Variants in SLC3A1 observed in about 807,000 individuals in gnomAD.
The protein encoded by SLC3A1 is solute carrier family 3 member 1, also known as amino acid transporter heavy chain SLC3A1.
In SLC3A1, 78 loss-of-function variants were observed where a neutral mutation model predicts 60.3. The observed-to-expected ratio is 1.29, with a 90% CI of 1.08 to 1.56. SLC3A1 has a LOEUF of 1.56. SLC3A1 is among the 40% of genes most tolerant of loss of function. The probability of loss-of-function intolerance (pLI) is 0.00; values close to 1 mark genes in which losing one functional copy is unlikely to be tolerated. For synonymous variants in SLC3A1, 392 were observed against 307.9 expected (o/e 1.27, Z -2.86); for missense variants, 1,172 against 858.9 (o/e 1.36, Z -4.56).
chr2:44,314,779 A>C (rs1158376191), intron 9 of SLC3A1: 8 of 23,434 alleles, frequency 3.4e-4, no homozygotes, highest in Non-Finnish European at 6.8e-4. Context: ...AAGACACAAA[A>C]TATATATGGG....
At chr2:44,321,959 C>T (rs184979501), downstream of SLC3A1, 62 of 1,511,126 alleles carry the variant, frequency 4.1e-5, no homozygotes, top group Admixed American at 1.1e-4. Flanking sequence ...TTTGGAAGAT[C>T]GAGACCCATT....
chr2:44,299,281 C>G (rs976550040), intron 4 of SLC3A1, among the ~76,000 whole-genome samples: 11 of 152,126 alleles, frequency 7.2e-5, no homozygotes, highest in Non-Finnish European at 1.5e-4. Flanking sequence ...TCAGGTGATC[C>G]GCCTGCCTCG....
chr2:44,281,284 A>G, intron 2 of SLC3A1, 103 bp from the exon 3 acceptor site: 1 of 1,000,026 alleles, frequency 1.0e-6, no homozygotes, highest in South Asian at 1.3e-5. Flanking sequence ...TTAGCCTCCC[A>G]GTGTATTGGG....
chr2:44,282,873 G>A lies in SLC3A1; in HGVS notation c.765+1332G>A, dbSNP rs375513017. Among the ~76,000 whole-genome samples, 11 of 152,224 alleles carry A rather than the reference G, an allele frequency of 7.2e-5. No homozygotes were observed. The East Asian group carries it at 1.5e-3, about 21-fold the overall frequency. ...GGGCCTCACTCTGTTGTCCAGGCTG[G>A]TCTTGAACTCCTGGGCTCAAGTGAT... On this transcript the variant is annotated intron_variant, in intron 3 of 9. Coordinates refer to ENST00000260649, the MANE Select transcript of SLC3A1 (RefSeq NM_000341.4).
In SLC3A1 at chr2:44,313,953, T is replaced by G; in HGVS notation, c.1617+2T>G. Reference sequence around the variant, plus strand: ...GATTACCACACTGTGAATGTTGATGTAAGTATCAGTGAAAATTTTATGTTG... The same window carrying G: ...GATTACCACACTGTGAATGTTGATGGAAGTATCAGTGAAAATTTTATGTTG... On this transcript the variant is annotated splice_donor_variant, in intron 9 of 9. Coordinates refer to ENST00000260649, the MANE Select transcript of SLC3A1 (RefSeq NM_000341.4). LOFTEE classifies it high-confidence loss of function. 6.2e-7 allele frequency: 1 copy of G among 1,614,066 alleles called. No homozygotes were observed. Among genetic ancestry groups the G allele is most frequent in the Non-Finnish European group, 8.5e-7 (1 of 1,179,956 alleles).
At chr2:44,284,168 C>A (rs1217205485) in intron 3 of SLC3A1, among the ~76,000 whole-genome samples, 1 of 152,126 alleles carries the variant, frequency 6.6e-6, no homozygotes, top group Non-Finnish European at 1.5e-5. Context: ...CAACCTCTGC[C>A]TCCTCAGTTC....
intron 5 of SLC3A1, among the ~76,000 whole-genome samples, 190 bp downstream of exon 5, chr2:44,300,280 G>A (rs1448662315): frequency 1.3e-5 from 2 of 152,050 alleles, no homozygotes; most frequent in African/African-American, 2.4e-5. Flanking sequence ...TTTTCCACTG[G>A]TTCCCTCCAG....
At chr2:44,309,853 C>A (rs1377504581) in intron 7 of SLC3A1, among the ~76,000 whole-genome samples, 2 of 152,192 alleles carry the variant, frequency 1.3e-5, no homozygotes, top group Admixed American at 1.3e-4. Flanking sequence ...CTGCCTTGGC[C>A]TCCCAAAGTG....
intron 7 of SLC3A1, among the ~76,000 whole-genome samples, chr2:44,304,679 C>G (rs753145786): frequency 3.9e-5 from 6 of 152,116 alleles, no homozygotes; most frequent in Admixed American, 6.6e-5. Flanking sequence ...AAGAGGTACA[C>G]AGCAATTCAG....
At chr2:44,294,826 A>G (rs1671814481) in intron 4 of SLC3A1, among the ~76,000 whole-genome samples, 1 of 152,190 alleles carries the variant, frequency 6.6e-6, no homozygotes. Flanking sequence ...ACTCTGAAAC[A>G]TCCTTTCTCA....
At chr2:44,276,594 C>T (rs1190809499) in intron 1 of SLC3A1, among the ~76,000 whole-genome samples, 1 of 151,382 alleles carries the variant, frequency 6.6e-6, no homozygotes, top group Non-Finnish European at 1.5e-5. Flanking sequence ...GGGGTAGTGG[C>T]GCATGACTGT....
chr2:44,309,012 G>A (rs771316729), intron 7 of SLC3A1, among the ~76,000 whole-genome samples: 81 of 152,226 alleles, frequency 5.3e-4, no homozygotes, highest in South Asian at 4.2e-4. Context: ...GATTACAGGC[G>A]TGAGCTACTG....
chr2:44,286,510 C>T (rs1334957246), intron 4 of SLC3A1, among the ~76,000 whole-genome samples: 10 of 107,666 alleles, frequency 9.3e-5, no homozygotes, highest in East Asian at 4.5e-4. Context: ...GTGCCTGTGA[C>T]GGTGAGCTGT....
intron 4 of SLC3A1, among the ~76,000 whole-genome samples, chr2:44,295,256 T>G (rs1418362708): frequency 6.6e-6 from 1 of 152,148 alleles, no homozygotes; most frequent in Non-Finnish European, 1.5e-5. Context: ...AGAAAGGAGT[T>G]AAAAGGTGCC....
At chr2:44,303,581 C>T (rs1672072793) in intron 6 of SLC3A1, among the ~76,000 whole-genome samples, 1 of 151,430 alleles carries the variant, frequency 6.6e-6, no homozygotes, top group Non-Finnish European at 1.5e-5. Flanking sequence ...ATTTTTCTGC[C>T]TTATTTTTTA....
At position 44,296,829 on chromosome 2, in the gene SLC3A1, T is replaced by G. The variant is rs374772368; in HGVS notation, c.892-3142T>G. On this transcript the variant is annotated intron_variant, in intron 4 of 9. Coordinates refer to ENST00000260649, the MANE Select transcript of SLC3A1 (RefSeq NM_000341.4). ...GGAGCAGGTGGAGATAATTGAATCATGGGTGTGGTTTCCTCCATCCTGTTC... is the reference window on the plus strand; with the variant it reads ...GGAGCAGGTGGAGATAATTGAATCAGGGGTGTGGTTTCCTCCATCCTGTTC... Among the ~76,000 whole-genome samples, 122 of 152,324 alleles carry G rather than the reference T, an allele frequency of 8.0e-4. No individual in the cohort carries two copies. The South Asian group carries it at 0.016, about 20-fold the overall frequency.
intron 4 of SLC3A1, among the ~76,000 whole-genome samples, chr2:44,292,646 A>G (rs1049370248): frequency 6.6e-6 from 1 of 152,114 alleles, no homozygotes; most frequent in African/African-American, 2.4e-5. Flanking sequence ...AGGAGGTGAG[A>G]TACCTGAGGA....
At position 44,286,711 on chromosome 2, in the gene SLC3A1, GGTGTCTGTGACTGAGCTGTGCA is replaced by G. The variant is rs1671623032; in HGVS notation, c.891+558_891+579del. 9.5e-5 allele frequency among the ~76,000 whole-genome samples: 14 copies of G among 147,264 alleles called. No individual in the cohort carries two copies. The South Asian group carries it at 2.9e-3, about 30-fold the overall frequency. On this transcript the variant is annotated intron_variant, in intron 4 of 9. Coordinates refer to ENST00000260649, the MANE Select transcript of SLC3A1 (RefSeq NM_000341.4). ...TGCGGTGCCTGTGACTGAGCTGTGC[GGTGTCTGTGACTGAGCTGTGCA>G]GTGCCTGTGACTGAGCTGTGCGGTG...
intron 2 of SLC3A1, 27 bp from the exon 3 acceptor site, chr2:44,281,360 G>A: frequency 6.3e-7 from 1 of 1,589,150 alleles, no homozygotes; most frequent in Non-Finnish European, 8.6e-7. Flanking sequence ...TCTTTCCCTA[G>A]CATTTGAAAT....
Sources: allele counts gnomAD v4.1 joint callset (sites outside exome capture counted in the v4.1 genomes callset), GRCh38; gene constraint gnomAD v4.1.1; transcripts MANE v1.5; gene names NCBI Gene and HGNC (gene_info 2026-07-23, HGNC 2026-07-21).